SMIM28: variants seen among roughly 807,000 people sequenced by gnomAD.
SMIM28 encodes small integral membrane protein 28.
chr6:138,382,060 G>A (rs1432899345), intron 1 of SMIM28, among the ~76,000 whole-genome samples: 1 of 152,136 alleles, frequency 6.6e-6, no homozygotes, highest in African/African-American at 2.4e-5. Flanking sequence ...AGTAATAATG[G>A]AAAAAAGAAC....
At position 138,383,467 on chromosome 6, in the gene SMIM28, T is replaced by A. The variant is rs1484504369; in HGVS notation, c.*620T>A. ...ATTCGCAAACATTTTAGTTAAAAAA[T>A]AATAATAAAGCTGTCCAAAGTTATC... On this transcript the variant is annotated 3_prime_UTR_variant, in exon 2 of 2. Coordinates refer to ENST00000573100, the MANE Select transcript of SMIM28 (RefSeq NM_001368163.3). Among the ~76,000 whole-genome samples, 3 of 152,208 alleles carry A rather than the reference T, an allele frequency of 2.0e-5. No individual in the cohort carries two copies. The highest frequency in any genetic ancestry group is 4.4e-5 in the Non-Finnish European group (3 of 68,036).
chr6:138,379,229 A>G (rs537744459), intron 1 of SMIM28, among the ~76,000 whole-genome samples: 13 of 152,218 alleles, frequency 8.5e-5, no homozygotes, highest in Admixed American at 4.6e-4. Flanking sequence ...CTTTGTCTCA[A>G]GAAATTGTAC....
intron 1 of SMIM28, among the ~76,000 whole-genome samples, chr6:138,380,752 G>A (rs978057053): frequency 8.3e-6 from 1 of 120,606 alleles, no homozygotes; most frequent in Non-Finnish European, 1.6e-5. Context: ...GGGCGACAGA[G>A]CGAGACCCCG....
chr6:138,379,881 C>T (rs9495054), intron 1 of SMIM28, among the ~76,000 whole-genome samples: 6 of 151,708 alleles, frequency 4.0e-5, no homozygotes, highest in South Asian at 4.2e-4. Context: ...GTAAGAAAAC[C>T]GAAGGAATTT....
chr6:138,378,298 G>A, intron 1 of SMIM28, 115 bp downstream of exon 1: 3 of 395,950 alleles, frequency 7.6e-6, no homozygotes, highest in Non-Finnish European at 1.3e-5. Flanking sequence ...TTGTCTTACA[G>A]CTATAACAAA....
chr6:138,379,542 G>A (rs1471107785), intron 1 of SMIM28, among the ~76,000 whole-genome samples: 3 of 152,060 alleles, frequency 2.0e-5, no homozygotes, highest in Admixed American at 2.0e-4. Flanking sequence ...TATTGATAGA[G>A]AATGAAATAA....
intron 1 of SMIM28, among the ~76,000 whole-genome samples, chr6:138,381,064 T>C (rs1774307401): frequency 6.6e-6 from 1 of 151,764 alleles, no homozygotes; most frequent in Non-Finnish European, 1.5e-5. Flanking sequence ...CACCACGCCC[T>C]GCTAATTTTT....
At chr6:138,378,351 G>GAA (rs1276443467) in intron 1 of SMIM28, among the ~76,000 whole-genome samples, 168 bp downstream of exon 1, 1 of 152,182 alleles carries the variant, frequency 6.6e-6, no homozygotes, top group Non-Finnish European at 1.5e-5. Context: ...GGGATAAATT[G>GAA]AAAGTTGCAT....
At chr6:138,380,739 T>C (rs1333855950) in intron 1 of SMIM28, among the ~76,000 whole-genome samples, 14 of 146,406 alleles carry the variant, frequency 9.6e-5, no homozygotes, top group African/African-American at 3.4e-4. Flanking sequence ...TGCACTCTAG[T>C]CTGGGCGACA....
chr6:138,380,555 C>G (rs546593192), intron 1 of SMIM28, among the ~76,000 whole-genome samples: 61 of 152,184 alleles, frequency 4.0e-4, no homozygotes, highest in Non-Finnish European at 6.3e-4. Flanking sequence ...ATCATGAGGT[C>G]AGGAGATCGA....
intron 1 of SMIM28, among the ~76,000 whole-genome samples, chr6:138,380,098 T>C (rs1774295699): frequency 1.3e-5 from 2 of 152,190 alleles, no homozygotes; most frequent in Non-Finnish European, 2.9e-5. Flanking sequence ...ATAAGTACTA[T>C]CACCAAGTGC....
intron 1 of SMIM28, among the ~76,000 whole-genome samples, chr6:138,380,709 G>A (rs9495058): frequency 0.16 from 23,933 of 151,596 alleles, 3,385 homozygotes; most frequent in African/African-American, 0.38. Flanking sequence ...AGAGCTTGCA[G>A]TGAGCCGAGA....
intron 1 of SMIM28, 74 bp from the exon 2 acceptor site, chr6:138,382,426 G>C (rs924388247): frequency 8.5e-6 from 3 of 354,416 alleles, no homozygotes; most frequent in Non-Finnish European, 4.8e-6. Flanking sequence ...AAGAAAGAAA[G>C]AAAGAAAAAA....
At chr6:138,380,762 G>A (rs771430440) in intron 1 of SMIM28, among the ~76,000 whole-genome samples, 93 of 94,856 alleles carry the variant, frequency 9.8e-4, no homozygotes, top group South Asian at 3.4e-3. Flanking sequence ...GCGAGACCCC[G>A]TCTCTAAATA....
intron 1 of SMIM28, among the ~76,000 whole-genome samples, chr6:138,381,861 A>T (rs964312180): frequency 6.6e-6 from 1 of 152,274 alleles, no homozygotes; most frequent in African/African-American, 2.4e-5. Context: ...TTTCAAGAAA[A>T]TGAACAGCGG....
intron 1 of SMIM28, among the ~76,000 whole-genome samples, chr6:138,379,589 T>C (rs1774291493): frequency 6.6e-6 from 1 of 152,064 alleles, no homozygotes; most frequent in African/African-American, 2.4e-5. Flanking sequence ...CTTATCAGGG[T>C]TTAAGTATTA....
chr6:138,380,726 C>T (rs753874638), intron 1 of SMIM28, among the ~76,000 whole-genome samples: 14 of 150,526 alleles, frequency 9.3e-5, no homozygotes, highest in Non-Finnish European at 1.9e-4. Context: ...GAGATCGCAC[C>T]ACTGCACTCT....
chr6:138,382,990 C>G lies in SMIM28; in HGVS notation c.*143C>G, dbSNP rs1328092514. 1.8e-5 allele frequency: 7 copies of G among 396,012 alleles called. No homozygotes were observed. In the East Asian group the frequency reaches 2.1e-4, roughly 12 times the overall value. 24.5% of individuals were successfully genotyped at this position (396,012 alleles called of 1,614,324 possible). A position where few individuals can be genotyped will look rare whatever the true frequency, so the allele number is the denominator to read the frequency against. On this transcript the variant is annotated 3_prime_UTR_variant, in exon 2 of 2. Coordinates refer to ENST00000573100, the MANE Select transcript of SMIM28 (RefSeq NM_001368163.3). ...AAGAAGCTGCTATTCATTGGCCAAC[C>G]TCTGACAATGGGGCACTTCAGGCTG...
intron 1 of SMIM28, among the ~76,000 whole-genome samples, chr6:138,381,368 A>G (rs1429799960): frequency 6.6e-6 from 1 of 152,142 alleles, no homozygotes; most frequent in Admixed American, 6.5e-5. Flanking sequence ...ATACTTCGTT[A>G]TTTCTTAGTA....
Sources: allele counts gnomAD v4.1 joint callset (sites outside exome capture counted in the v4.1 genomes callset), GRCh38; gene constraint gnomAD v4.1.1; transcripts MANE v1.5; gene names NCBI Gene and HGNC (gene_info 2026-07-23, HGNC 2026-07-21).